DIS3L2: variants seen among roughly 807,000 people sequenced by gnomAD.
DIS3L2 encodes DIS3-like exonuclease 2.
A neutral mutation model predicts 97.5 loss-of-function variants in DIS3L2; 34 were observed. The ratio of observed to expected loss-of-function variants is 0.35; its 90% CI spans 0.27 to 0.46. The LOEUF is 0.46. Ranked by LOEUF, DIS3L2 falls within the 20% of genes least tolerant of loss-of-function variation. The pLI, the probability that DIS3L2 is intolerant of heterozygous loss-of-function variation, is 1.00. For missense variants in DIS3L2, 1,038 were observed against 1,146.0 expected (o/e 0.91, Z 1.36); for synonymous variants, 435 against 445.2 (o/e 0.98, Z 0.29).
At chr2:231,976,275 T>C (rs1319077418) in intron 1 of DIS3L2, among the ~76,000 whole-genome samples, 1 of 152,104 alleles carries the variant, frequency 6.6e-6, no homozygotes, top group African/African-American at 2.4e-5. Context: ...AATTCCCTAA[T>C]ACAGATCCTT....
intron 3 of DIS3L2, among the ~76,000 whole-genome samples, chr2:232,022,648 A>G (rs1315830752): frequency 6.6e-6 from 1 of 152,182 alleles, no homozygotes; most frequent in Non-Finnish European, 1.5e-5. Context: ...TTTAATTTCA[A>G]TGAATTGACT....
rs1199639431 is a variant in DIS3L2 at position 231,965,335 on chromosome 2, A to T, written c.-94+3570A>T. ...AAACAACTGTTACTTAGCAACCAGT[A>T]GGTATGCTTTACATAAGGAGAGTGT... On this transcript the variant is annotated intron_variant, in intron 1 of 20. Coordinates refer to ENST00000325385, the MANE Select transcript of DIS3L2 (RefSeq NM_152383.5). Among the ~76,000 whole-genome samples, 3 of 152,326 alleles carry T rather than the reference A, an allele frequency of 2.0e-5. 1 individual carries two copies. Among genetic ancestry groups the T allele is most frequent in the Admixed American group, 1.3e-4 (2 of 15,294 alleles).
intron 13 of DIS3L2, among the ~76,000 whole-genome samples, chr2:232,280,419 C>T (rs115138585): frequency 0.01 from 1,536 of 152,326 alleles, 11 homozygotes; most frequent in Non-Finnish European, 0.016. Context: ...TAGATAAGTC[C>T]TTCTAACTGT....
intron 8 of DIS3L2, among the ~76,000 whole-genome samples, chr2:232,140,800 G>T (rs996717708): frequency 2.6e-5 from 4 of 152,188 alleles, no homozygotes; most frequent in African/African-American, 9.6e-5. Context: ...GAGACTTCCA[G>T]TTGTTATAAA....
chr2:231,999,360 A>C (rs1319506751), intron 1 of DIS3L2, among the ~76,000 whole-genome samples: 7 of 152,162 alleles, frequency 4.6e-5, no homozygotes, highest in Admixed American at 2.6e-4. Flanking sequence ...AATGTCATTG[A>C]TTCTAGGCCC....
intron 3 of DIS3L2, chr2:232,023,028 T>C (rs1694562520): frequency 6.6e-6 from 1 of 152,218 alleles, no homozygotes; most frequent in South Asian, 2.1e-4. Context: ...CAGTGTCCTC[T>C]ACTATACTTC....
chr2:232,209,316 G>C (rs1173348228), intron 9 of DIS3L2, among the ~76,000 whole-genome samples: 1 of 152,148 alleles, frequency 6.6e-6, no homozygotes, highest in Non-Finnish European at 1.5e-5. Flanking sequence ...GAGTGCAGTG[G>C]CCCAATTATA....
chr2:232,175,747 G>T (rs1357032615), intron 9 of DIS3L2, among the ~76,000 whole-genome samples: 1 of 152,002 alleles, frequency 6.6e-6, no homozygotes, highest in Non-Finnish European at 1.5e-5. Flanking sequence ...GAACTCATCA[G>T]TAAAGCCATC....
chr2:232,088,494 G>A (rs1696736241), intron 6 of DIS3L2, among the ~76,000 whole-genome samples: 1 of 151,548 alleles, frequency 6.6e-6, no homozygotes, highest in Admixed American at 6.6e-5. Flanking sequence ...CCTGGGTGGT[G>A]GAGCTTGCGG....
intron 5 of DIS3L2, among the ~76,000 whole-genome samples, chr2:232,086,176 CGTATATAT>C (rs1696579892): frequency 6.8e-6 from 1 of 146,978 alleles, no homozygotes; most frequent in African/African-American, 2.7e-5. Flanking sequence ...TACGTATATA[CGTATATAT>C]ACACACGTAT....
downstream of DIS3L2, among the ~76,000 whole-genome samples, chr2:232,338,120 TGTGAGAGCCCCAAAC>T (rs1303816109): frequency 1.1e-4 from 16 of 151,908 alleles, no homozygotes; most frequent in African/African-American, 2.7e-4. Flanking sequence ...GCAGCCTGAC[TGTGAGAGCCCCAAAC>T]AGGAGAGCCC....
chr2:232,271,204 C>T (rs1693999852), intron 13 of DIS3L2, among the ~76,000 whole-genome samples: 1 of 152,134 alleles, frequency 6.6e-6, no homozygotes, highest in Admixed American at 6.5e-5. Flanking sequence ...AAGTTAAGGT[C>T]CTTTCCTCTC....
At chr2:232,336,226 G>A (rs1380462406) in intron 20 of DIS3L2, 10 of 1,538,626 alleles carry the variant, frequency 6.5e-6, no homozygotes, top group South Asian at 2.4e-5. Flanking sequence ...TGCCCTGAAC[G>A]CGGACCCAGG....
rs372823074 is a variant in DIS3L2, at chr2:232,193,084, T to G, written c.1125-17242T>G. Among the ~76,000 whole-genome samples, 111 of 152,340 alleles carry G rather than the reference T, an allele frequency of 7.3e-4. 1 individual carries two copies. The South Asian group carries it at 0.023, about 31-fold the overall frequency. On this transcript the variant is annotated intron_variant, in intron 9 of 20. Transcript: ENST00000325385. ...ATCCAACCAAAGGGAGACTGATTTCTCTTTCCTCCCTGCACACTCCTTCCT... is the reference window on the plus strand; with the variant it reads ...ATCCAACCAAAGGGAGACTGATTTCGCTTTCCTCCCTGCACACTCCTTCCT...
rs373987145 is a variant in DIS3L2, at chr2:232,300,032, C to T, written c.1660-8C>T. 1 of 1,612,828 alleles carries T rather than the reference C, an allele frequency of 6.2e-7. No homozygotes were observed. Among genetic ancestry groups the T allele is most frequent in the Non-Finnish European group, 8.5e-7 (1 of 1,179,104 alleles). Reference sequence around the variant, plus strand: ...TAAAACTTCTTTTTCTCTTCTCTCTCTCTTCAGCTAAAGCTTGCTTTCACT... The same window carrying T: ...TAAAACTTCTTTTTCTCTTCTCTCTTTCTTCAGCTAAAGCTTGCTTTCACT... On this transcript the variant is annotated splice_region_variant and splice_polypyrimidine_tract_variant and intron_variant, in intron 13 of 20. Coordinates refer to ENST00000325385, the MANE Select transcript of DIS3L2 (RefSeq NM_152383.5).
intron 6 of DIS3L2, among the ~76,000 whole-genome samples, chr2:232,100,317 G>A (rs1256121106): frequency 1.3e-5 from 2 of 151,722 alleles, no homozygotes; most frequent in Admixed American, 6.6e-5. Context: ...GATTACAGGC[G>A]TGAGCCACCA....
At chr2:232,321,904 C>G (rs1442208445) in intron 14 of DIS3L2, among the ~76,000 whole-genome samples, 1 of 152,170 alleles carries the variant, frequency 6.6e-6, no homozygotes, top group Non-Finnish European at 1.5e-5. Flanking sequence ...TGCCTGTGAC[C>G]AGCCTCAGGG....
At chr2:231,963,674 C>G (rs1392493756) in intron 1 of DIS3L2, among the ~76,000 whole-genome samples, 4 of 152,148 alleles carry the variant, frequency 2.6e-5, no homozygotes, top group Non-Finnish European at 5.9e-5. Context: ...AGGTCAGTGT[C>G]AAGAAGTGTA....
intron 9 of DIS3L2, among the ~76,000 whole-genome samples, chr2:232,204,562 C>T (rs1022837059): frequency 2.6e-5 from 4 of 152,142 alleles, no homozygotes; most frequent in Admixed American, 6.5e-5. Context: ...CTTTCCCTCC[C>T]CCACCTGGCA....
Sources: allele counts gnomAD v4.1 joint callset (sites outside exome capture counted in the v4.1 genomes callset), GRCh38; gene constraint gnomAD v4.1.1; transcripts MANE v1.5; gene names NCBI Gene and HGNC (gene_info 2026-07-23, HGNC 2026-07-21).